KCNMA1: variants seen among roughly 807,000 people sequenced by gnomAD.
The protein encoded by KCNMA1 is potassium calcium-activated channel subfamily M alpha 1.
Under a neutral mutation model 140.0 loss-of-function variants are expected in KCNMA1, and 29 were observed. The ratio of observed to expected loss-of-function variants is 0.21; its 90% confidence interval spans 0.15 to 0.28. KCNMA1 has a LOEUF of 0.28. KCNMA1 is among the 10% of genes least tolerant of loss of function. The probability of loss-of-function intolerance (pLI) is 1.00; values close to 1 mark genes in which losing one functional copy is unlikely to be tolerated. For missense variants in KCNMA1, 880 were observed against 1,602.2 expected (o/e 0.55, Z 7.70); for synonymous variants, 612 against 611.9 (o/e 1.00, Z 0.00).
rs1171242133 is a variant in KCNMA1 at position 76,944,825 on chromosome 10, G to T, written c.2850C>A (p.Ile950=). 1 of 1,614,040 alleles carries T rather than the reference G, an allele frequency of 6.2e-7. No individual in the cohort carries two copies. Among genetic ancestry groups the T allele is most frequent in the Non-Finnish European group, 8.5e-7 (1 of 1,180,022 alleles). The change falls in exon 23 of 28, where the codon ATC becomes ATA. Residue 950 remains isoleucine (I), a synonymous_variant. Coordinates refer to ENST00000286628, the MANE Select transcript of KCNMA1 (RefSeq NM_001161352.2). ...DKECILASLN[I]KSMQFDDSIG... is the part of the protein sequence containing the mutation. Reference sequence around the variant, plus strand: ...TGCTGTCATCAAACTGCATAGATTTGATGTTGAGTGACGCCAAGATGCATT... The same window carrying T: ...TGCTGTCATCAAACTGCATAGATTTTATGTTGAGTGACGCCAAGATGCATT...
exon 30 of KCNMA1, chr10:76,877,740 C>T (rs1235406167): frequency 1.3e-6 from 2 of 1,552,558 alleles, no homozygotes; most frequent in South Asian, 2.4e-5. Context: ...TCCTGGGAGT[C>T]AACATTCATC....
At chr10:77,166,788 A>G (rs1367853337) in intron 5 of KCNMA1, among the ~76,000 whole-genome samples, 1 of 152,206 alleles carries the variant, frequency 6.6e-6, no homozygotes, top group Non-Finnish European at 1.5e-5. Context: ...AGCTGTCAAT[A>G]CAGCAAGACC....
At chr10:77,171,380 CGTGTGCGTGTGTGTGTGTGCGT>C (rs1467846541) in intron 5 of KCNMA1, among the ~76,000 whole-genome samples, 183 of 136,026 alleles carry the variant, frequency 1.3e-3, no homozygotes, top group African/African-American at 5.3e-3. Flanking sequence ...TCGGAAAGTA[CGTGTGCGTGTGTGTGTGTGCGT>C]GTGTGTGTGT....
intron 5 of KCNMA1, among the ~76,000 whole-genome samples, chr10:77,129,999 T>C (rs1020875096): frequency 1.3e-5 from 2 of 152,166 alleles, no homozygotes; most frequent in Non-Finnish European, 2.9e-5. Context: ...GATTAAATTA[T>C]TGCACATACA....
At chr10:77,507,221 A>T (rs1289758372) in intron 1 of KCNMA1, among the ~76,000 whole-genome samples, 2 of 152,248 alleles carry the variant, frequency 1.3e-5, no homozygotes, top group African/African-American at 4.8e-5. Flanking sequence ...CACCATGGGA[A>T]AATGAGGACT....
chr10:77,615,251 C>G (rs1336288755), intron 1 of KCNMA1, among the ~76,000 whole-genome samples: 9 of 152,310 alleles, frequency 5.9e-5, no homozygotes, highest in Non-Finnish European at 1.3e-4. Flanking sequence ...ATTCACCATT[C>G]ACCAGGCCCC....
At chr10:77,382,994 G>GTGTGTGTGTATATATA (rs1491457588) in intron 2 of KCNMA1, among the ~76,000 whole-genome samples, 6 of 46,424 alleles carry the variant, frequency 1.3e-4, no homozygotes, top group Admixed American at 2.6e-4. Context: ...GTGTGTGTGT[G>GTGTGTGTGTATATATA]TATATATATA....
intron 2 of KCNMA1, among the ~76,000 whole-genome samples, chr10:77,338,364 C>A (rs139681499): frequency 2.6e-5 from 4 of 152,172 alleles, no homozygotes; most frequent in Admixed American, 6.5e-5. Flanking sequence ...TACTACATCA[C>A]AACCAGAGAC....
intron 19 of KCNMA1, among the ~76,000 whole-genome samples, chr10:76,999,942 T>A (rs921302611): frequency 7.2e-5 from 11 of 152,154 alleles, no homozygotes; most frequent in African/African-American, 2.4e-4. Flanking sequence ...GCACCTGGCA[T>A]GGCACACAGT....
At chr10:77,049,985 C>T (rs978921741) in intron 14 of KCNMA1, among the ~76,000 whole-genome samples, 3 of 152,132 alleles carry the variant, frequency 2.0e-5, no homozygotes, top group Non-Finnish European at 4.4e-5. Context: ...ACAAAACTCT[C>T]AAGAACTGAT....
chr10:77,611,847 C>G (rs531854017), intron 1 of KCNMA1, among the ~76,000 whole-genome samples: 1 of 152,248 alleles, frequency 6.6e-6, no homozygotes, highest in South Asian at 2.1e-4. Flanking sequence ...TCAGACAAGA[C>G]TAGGTACGCA....
At chr10:77,037,170 C>T (rs2094390075) in intron 15 of KCNMA1, among the ~76,000 whole-genome samples, 1 of 152,160 alleles carries the variant, frequency 6.6e-6, no homozygotes, top group Admixed American at 6.5e-5. Flanking sequence ...TGGCTGAAGG[C>T]CAGTGAAGTT....
chr10:77,086,432 C>T, intron 11 of KCNMA1, 56 bp downstream of exon 11: 2 of 1,302,060 alleles, frequency 1.5e-6, no homozygotes, highest in South Asian at 2.4e-5. Flanking sequence ...AGTCAGGACT[C>T]CCCCCAGACC....
chr10:77,439,147 G>GAAGAAAAGAGAAGAA (rs2097337483), intron 1 of KCNMA1, among the ~76,000 whole-genome samples: 1 of 105,306 alleles, frequency 9.5e-6, no homozygotes, highest in African/African-American at 3.6e-5. Flanking sequence ...GAAGAGAAGA[G>GAAGAAAAGAGAAGAA]AAAAGAGAAG....
intron 2 of KCNMA1, among the ~76,000 whole-genome samples, chr10:77,251,910 A>C (rs1408807046): frequency 1.3e-5 from 2 of 152,160 alleles, no homozygotes; most frequent in African/African-American, 2.4e-5. Context: ...AAGATCACAA[A>C]TTTGCTCGTA....
chr10:76,920,117 G>C lies in KCNMA1; in HGVS notation c.2903-5068C>G, dbSNP rs560820182. ...TATGGCTCAGACAAGATATACACAA[G>C]TAATGGCTGGAAAAGGGTTCCAGGA... On this transcript the variant is annotated intron_variant, in intron 23 of 27. Coordinates refer to ENST00000286628, the MANE Select transcript of KCNMA1 (RefSeq NM_001161352.2). Among the ~76,000 whole-genome samples the C allele has an allele frequency of 5.5e-5, 8 of 144,420 alleles. No homozygotes were observed. In the South Asian group the frequency reaches 1.8e-3, roughly 33 times the overall value. 94.7% of individuals were successfully genotyped at this position (144,420 alleles called of 152,430 possible).
chr10:76,981,638 C>T (rs1289672304), intron 19 of KCNMA1, among the ~76,000 whole-genome samples: 2 of 152,148 alleles, frequency 1.3e-5, no homozygotes, highest in African/African-American at 4.8e-5. Flanking sequence ...ACCATGTCTT[C>T]CTTTCACCTG....
intron 2 of KCNMA1, among the ~76,000 whole-genome samples, chr10:77,280,242 G>C (rs527290007): frequency 9.8e-5 from 15 of 152,344 alleles, no homozygotes; most frequent in African/African-American, 2.9e-4. Context: ...GAAGTATGCT[G>C]CTACAAGGGA....
intron 20 of KCNMA1, among the ~76,000 whole-genome samples, chr10:76,954,367 G>A (rs1009716960): frequency 6.6e-6 from 1 of 152,198 alleles, no homozygotes; most frequent in Non-Finnish European, 1.5e-5. Context: ...TAGGAATAGA[G>A]CCTCATGCTG....
Sources: allele counts gnomAD v4.1 joint callset (sites outside exome capture counted in the v4.1 genomes callset), GRCh38; gene constraint gnomAD v4.1.1; transcripts MANE v1.5; gene names NCBI Gene and HGNC (gene_info 2026-07-23, HGNC 2026-07-21).